CLEC16A: variants seen among roughly 807,000 people sequenced by gnomAD.
CLEC16A encodes the protein protein CLEC16A.
Under a neutral mutation model 109.5 loss-of-function variants are expected in CLEC16A, and 51 were observed. That is an observed-to-expected ratio of 0.47 (90% CI 0.37 to 0.59). The LOEUF is 0.59. Ranked by LOEUF, CLEC16A falls within the 20% of genes least tolerant of loss-of-function variation. CLEC16A has a pLI of 0.00. For missense variants in CLEC16A, 1,339 were observed against 1,394.0 expected, an observed-to-expected ratio of 0.96 and a Z score of 0.63; for synonymous variants, 673 against 564.2, an observed-to-expected ratio of 1.19 and a Z score of -2.73.
At chr16:11,173,527 C>A (rs2068613220) in intron 23 of CLEC16A, among the ~76,000 whole-genome samples, 2 of 152,142 alleles carry the variant, frequency 1.3e-5, no homozygotes, top group Admixed American at 1.3e-4. Flanking sequence ...AGTCGCTGCC[C>A]AGTTAGGTGG....
intron 12 of CLEC16A, among the ~76,000 whole-genome samples, chr16:11,023,884 C>T (rs189894843): frequency 6.6e-6 from 1 of 152,304 alleles, no homozygotes. Flanking sequence ...GGATCAGAGC[C>T]TCTGGCCTGT....
intron 3 of CLEC16A, 31 bp from the exon 4 acceptor site, chr16:10,969,130 G>A: frequency 6.3e-7 from 1 of 1,582,508 alleles, no homozygotes; most frequent in African/African-American, 1.4e-5. Flanking sequence ...TCCAGCATGA[G>A]TTAACCTGTT....
In CLEC16A at chr16:11,145,888, A is replaced by T. The variant is rs76107475; in HGVS notation, c.2641+19742A>T. Among the ~76,000 whole-genome samples, 295 of 152,302 alleles carry T rather than the reference A, an allele frequency of 1.9e-3. 10 individuals are homozygous for T. The East Asian group carries it at 0.049, about 25-fold the overall frequency. ...GCTCCCATCACTCAGATGAAAGCCAAAGTCCTCACGGTAGCCCCACGTTTT... is the reference window on the plus strand; with the variant it reads ...GCTCCCATCACTCAGATGAAAGCCATAGTCCTCACGGTAGCCCCACGTTTT... On this transcript the variant is annotated intron_variant, in intron 22 of 23. Coordinates refer to ENST00000409790, the MANE Select transcript of CLEC16A (RefSeq NM_015226.3).
At chr16:11,054,702 C>A (rs1366980426) in intron 18 of CLEC16A, among the ~76,000 whole-genome samples, 1 of 152,186 alleles carries the variant, frequency 6.6e-6, no homozygotes, top group East Asian at 1.9e-4. Context: ...TGGCTTTGGC[C>A]ACTCATCTCA....
intron 10 of CLEC16A, among the ~76,000 whole-genome samples, chr16:10,997,950 C>G (rs2152740819): frequency 6.6e-6 from 1 of 152,306 alleles, no homozygotes; most frequent in South Asian, 2.1e-4. Flanking sequence ...GTACCCACAC[C>G]TGGTGGAACA....
At chr16:11,169,948 C>T (rs1045502575) in intron 23 of CLEC16A, among the ~76,000 whole-genome samples, 11 of 152,114 alleles carry the variant, frequency 7.2e-5, no homozygotes, top group Non-Finnish European at 1.5e-4. Context: ...TGCCACACTC[C>T]GCCTCACATT....
At chr16:11,172,343 CTGAG>C (rs1487616518) in intron 23 of CLEC16A, among the ~76,000 whole-genome samples, 1 of 152,192 alleles carries the variant, frequency 6.6e-6, no homozygotes. Flanking sequence ...CACACACACT[CTGAG>C]TGAGATGCCG....
chr16:11,094,316 C>G (rs1422134523), intron 19 of CLEC16A, among the ~76,000 whole-genome samples: 1 of 152,196 alleles, frequency 6.6e-6, no homozygotes, highest in African/African-American at 2.4e-5. Context: ...AAGCTCTGCG[C>G]CTGTCCTGGG....
At chr16:10,965,590 G>A (rs1208486941) in intron 3 of CLEC16A, among the ~76,000 whole-genome samples, 1 of 152,160 alleles carries the variant, frequency 6.6e-6, no homozygotes, top group South Asian at 2.1e-4. Context: ...GGGCATTTAG[G>A]TGGTTTCCAG....
intron 12 of CLEC16A, among the ~76,000 whole-genome samples, chr16:11,023,559 T>A (rs374938898): frequency 2.0e-5 from 3 of 152,042 alleles, no homozygotes; most frequent in African/African-American, 7.2e-5. Context: ...TTTTTTTTAG[T>A]TTTTGTGTGT....
At position 11,056,206 on chromosome 16, in the gene CLEC16A, C is replaced by T. The variant is rs114307346; in HGVS notation, c.1995+4565C>T. 4.5e-3 allele frequency among the ~76,000 whole-genome samples: 683 copies of T among 152,232 alleles called. 6 individuals carry two copies. The highest frequency in any genetic ancestry group is 0.016 in the African/African-American group (657 of 41,536). On this transcript the variant is annotated intron_variant, in intron 18 of 23. Transcript: ENST00000409790. ...AGGAAAACAGTGGTGTCAGTCAGAC[C>T]AACCACGGGTCAAATCCCAACTCCA... is the stretch of plus-strand genomic sequence containing the variant.
At chr16:11,020,384 G>A in intron 12 of CLEC16A, 59 bp downstream of exon 12, 5 of 1,520,686 alleles carry the variant, frequency 3.3e-6, no homozygotes, top group South Asian at 1.2e-5. Flanking sequence ...AGGGCTCAGT[G>A]GGGAGGTTGA....
intron 18 of CLEC16A, among the ~76,000 whole-genome samples, chr16:11,052,012 C>T (rs1327116054): frequency 1.3e-5 from 2 of 152,138 alleles, no homozygotes; most frequent in African/African-American, 2.4e-5. Flanking sequence ...CGTAGCCCAG[C>T]GGTCTCAGGA....
At chr16:10,981,951 G>T (rs1389731860) in intron 9 of CLEC16A, among the ~76,000 whole-genome samples, 5 of 152,244 alleles carry the variant, frequency 3.3e-5, no homozygotes, top group Admixed American at 6.5e-5. Flanking sequence ...TCACCAGCCT[G>T]CAGTGTCTGG....
chr16:11,134,659 T>C (rs75623765), intron 22 of CLEC16A, among the ~76,000 whole-genome samples: 6,554 of 152,298 alleles, frequency 0.043, 472 homozygotes, highest in African/African-American at 0.15. Context: ...AATCTAAAAA[T>C]CCGAAATCTG....
Position 11,174,490 on chromosome 16 carries a change from G to GACCTTCGCGACAGTCCTTC in CLEC16A, c.2807-3825_2807-3807dup, listed in dbSNP as rs1430035095. On this transcript the variant is annotated intron_variant, in intron 23 of 23. Transcript: ENST00000409790. The surrounding 1 kb of genome is among the most constrained non-coding windows in gnomAD (Gnocchi z 4.7). ...TGTGAAGACCAGATCCCCGGCCCTT[G>GACCTTCGCGACAGTCCTTC]ACCTTCGCGACAGTCCTTCACCTTC... is the stretch of plus-strand genomic sequence containing the variant. Among the ~76,000 whole-genome samples the GACCTTCGCGACAGTCCTTC allele has an allele frequency of 8.5e-5, 13 of 152,294 alleles. No individual in the cohort carries two copies. In the East Asian group the frequency reaches 1.7e-3, roughly 20 times the overall value.
intron 13 of CLEC16A, among the ~76,000 whole-genome samples, chr16:11,030,601 T>C (rs1258091222): frequency 1.3e-5 from 2 of 152,210 alleles, no homozygotes; most frequent in Admixed American, 6.5e-5. Flanking sequence ...TTTTTTAAAT[T>C]GAATTGAGTA....
Position 11,123,816 on chromosome 16 carries a change from C to G in CLEC16A, c.2343C>G (p.Pro781=), listed in dbSNP as rs774833392. The change falls in exon 21 of 24, where the codon CCC becomes CCG. Residue 781 remains proline (P), a synonymous_variant. Transcript: ENST00000409790. The part of the protein sequence containing the change: ...NITIHKPASS[P]HSKPFPILQA... Reference sequence around the variant, plus strand: ...CCATCCACAAGCCTGCGTCCAGCCCCCATTCCAAGCCCTTCCCCATCCTCC... The same window carrying G: ...CCATCCACAAGCCTGCGTCCAGCCCGCATTCCAAGCCCTTCCCCATCCTCC... 1 of 1,614,074 alleles carries G rather than the reference C, an allele frequency of 6.2e-7. No homozygotes were observed. The highest frequency in any genetic ancestry group is 8.5e-7 in the Non-Finnish European group (1 of 1,179,898).
At position 11,012,511 on chromosome 16, in the gene CLEC16A, C is replaced by T. The variant is rs191473528; in HGVS notation, c.1304-7682C>T. Among the ~76,000 whole-genome samples, 766 of 138,770 alleles carry T rather than the reference C, an allele frequency of 5.5e-3. 7 individuals carry two copies. The highest frequency in any genetic ancestry group is 0.019 in the African/African-American group (731 of 37,586). 91.0% of individuals were successfully genotyped at this position (138,770 alleles called of 152,430 possible). On this transcript the variant is annotated intron_variant, in intron 11 of 23. Coordinates refer to ENST00000409790, the MANE Select transcript of CLEC16A (RefSeq NM_015226.3). ...TCGGGAGGCTGAGGCAGGAGAATGGCGTGAACCCGGGAGGCGGAGCTTGTG... is the reference window on the plus strand; with the variant it reads ...TCGGGAGGCTGAGGCAGGAGAATGGTGTGAACCCGGGAGGCGGAGCTTGTG...
Sources: allele counts gnomAD v4.1 joint callset (sites outside exome capture counted in the v4.1 genomes callset), GRCh38; gene constraint gnomAD v4.1.1; non-coding constraint Gnocchi (gnomAD v3.1); transcripts MANE v1.5; gene names NCBI Gene and HGNC (gene_info 2026-07-23, HGNC 2026-07-21).